Variants in ZFYVE28 observed in about 807,000 individuals in gnomAD.
The protein encoded by ZFYVE28 is lateral signaling target protein 2 homolog.
ZFYVE28 carries 40 observed loss-of-function variants against 82.1 expected under a neutral mutation model. That is an observed-to-expected ratio of 0.49 (90% CI 0.38 to 0.63). The LOEUF (loss-of-function observed/expected upper bound fraction) is 0.63. ZFYVE28 is among the 30% of genes least tolerant of loss of function. The pLI, the probability that ZFYVE28 is intolerant of heterozygous loss-of-function variation, is 0.00. For synonymous variants in ZFYVE28, 612 were observed against 546.1 expected, an observed-to-expected ratio of 1.12 and a Z score of -1.68; for missense variants, 1,321 against 1,242.1, an observed-to-expected ratio of 1.06 and a Z score of -0.96.
At chr4:2,346,267 G>A (rs58419422) in intron 2 of ZFYVE28, among the ~76,000 whole-genome samples, 4,780 of 151,012 alleles carry the variant, frequency 0.032, 222 homozygotes, top group African/African-American at 0.098. Flanking sequence ...CTGTGAACCC[G>A]GGAGGCAGAG....
At chr4:2,360,390 C>CACACAG (rs1491424672) in intron 1 of ZFYVE28, among the ~76,000 whole-genome samples, 4 of 11,214 alleles carry the variant, frequency 3.6e-4, no homozygotes, top group African/African-American at 1.6e-3. Flanking sequence ...GAGCTGTAAT[C>CACACAG]ACACACACAC....
intron 8 of ZFYVE28, among the ~76,000 whole-genome samples, chr4:2,302,022 C>T (rs556041299): frequency 6.6e-5 from 10 of 152,322 alleles, no homozygotes; most frequent in South Asian, 2.1e-4. Flanking sequence ...GGCCCTGCCC[C>T]GCAGTGAAGG....
intron 1 of ZFYVE28, among the ~76,000 whole-genome samples, chr4:2,390,355 C>T (rs1056953354): frequency 1.3e-5 from 2 of 152,120 alleles, no homozygotes; most frequent in Non-Finnish European, 2.9e-5. Context: ...GTGGTCAAGC[C>T]GCTCTGTTTG....
At chr4:2,325,101 C>T (rs57702505) in intron 6 of ZFYVE28, 3,884 of 152,468 alleles carry the variant, frequency 0.025, 145 homozygotes, top group African/African-American at 0.087. Flanking sequence ...TATACTCTCA[C>T]GTTTCATGGT....
intron 8 of ZFYVE28, among the ~76,000 whole-genome samples, chr4:2,292,625 T>C (rs1018360831): frequency 2.0e-5 from 3 of 152,154 alleles, no homozygotes; most frequent in African/African-American, 7.2e-5. Flanking sequence ...AAGATGATAA[T>C]TCAACAGACA....
At chr4:2,343,921 C>A (rs1187713941) in intron 2 of ZFYVE28, among the ~76,000 whole-genome samples, 2 of 152,208 alleles carry the variant, frequency 1.3e-5, no homozygotes, top group Non-Finnish European at 2.9e-5. Flanking sequence ...ACACAGTATG[C>A]TGCAAGAAAC....
At chr4:2,314,208 T>C (rs567725362) in intron 7 of ZFYVE28, among the ~76,000 whole-genome samples, 3 of 152,234 alleles carry the variant, frequency 2.0e-5, no homozygotes, top group Non-Finnish European at 4.4e-5. Context: ...TTGATAAATA[T>C]AACTACAACA....
chr4:2,376,163 G>A (rs886266436), intron 1 of ZFYVE28, among the ~76,000 whole-genome samples: 13 of 150,784 alleles, frequency 8.6e-5, no homozygotes, highest in South Asian at 2.1e-4. Context: ...ATGAGCCACC[G>A]TGCCTGGCCC....
At chr4:2,325,122 C>T (rs946355976) in intron 6 of ZFYVE28, 1 of 152,180 alleles carries the variant, frequency 6.6e-6, no homozygotes, top group African/African-American at 2.4e-5. Flanking sequence ...TTCCTGGCAT[C>T]AGAAATCCCT....
intron 8 of ZFYVE28, among the ~76,000 whole-genome samples, chr4:2,293,157 G>T (rs4974647): frequency 0.61 from 92,207 of 151,486 alleles, 28,733 homozygotes; most frequent in African/African-American, 0.7. Flanking sequence ...TTTTTTATTT[G>T]AGAAGATGAA....
At chr4:2,334,179 G>A (rs1326891707) in intron 6 of ZFYVE28, among the ~76,000 whole-genome samples, 1 of 152,178 alleles carries the variant, frequency 6.6e-6, no homozygotes, top group Non-Finnish European at 1.5e-5. Context: ...ACACGGGAAG[G>A]ACGGCGCAGG....
chr4:2,363,545 A>C (rs116721276), intron 1 of ZFYVE28, among the ~76,000 whole-genome samples: 127 of 152,268 alleles, frequency 8.3e-4, no homozygotes, highest in African/African-American at 2.9e-3. Context: ...AAAGAGAAGC[A>C]TGTGCAGTCA....
intron 11 of ZFYVE28, 36 bp downstream of exon 11, chr4:2,271,639 C>T: frequency 6.3e-7 from 1 of 1,599,662 alleles, no homozygotes; most frequent in Non-Finnish European, 8.6e-7. Flanking sequence ...CCACTGGTGT[C>T]TAGTGCAGTG....
At chr4:2,375,189 A>G (rs1727990972) in intron 1 of ZFYVE28, among the ~76,000 whole-genome samples, 1 of 152,194 alleles carries the variant, frequency 6.6e-6, no homozygotes, top group Non-Finnish European at 1.5e-5. Context: ...GGCTTTTCCA[A>G]GAAAGCTTTT....
intron 8 of ZFYVE28, among the ~76,000 whole-genome samples, chr4:2,303,676 T>TC (rs1174760158): frequency 6.6e-6 from 1 of 151,288 alleles, no homozygotes; most frequent in Non-Finnish European, 1.5e-5. Context: ...CCTCCCCATC[T>TC]CCCCCCAGTG....
At chr4:2,299,868 G>C (rs544318174) in intron 8 of ZFYVE28, among the ~76,000 whole-genome samples, 9 of 151,856 alleles carry the variant, frequency 5.9e-5, no homozygotes, top group Non-Finnish European at 1.2e-4. Context: ...ACAGTCATAG[G>C]TCACTGCAGT....
At chr4:2,273,133 C>A in intron 10 of ZFYVE28, 40 bp downstream of exon 10, 1 of 1,517,004 alleles carries the variant, frequency 6.6e-7, no homozygotes, top group Non-Finnish European at 9.1e-7. Flanking sequence ...GACACGGCCA[C>A]CAGCGCAGGC....
In ZFYVE28 at chr4:2,339,048, A is replaced by G. The variant is rs1722324214; in HGVS notation, c.521+405T>C. Among the ~76,000 whole-genome samples, 1 of 152,078 alleles carries G rather than the reference A, an allele frequency of 6.6e-6. No individual in the cohort carries two copies. Among genetic ancestry groups the G allele is most frequent in the Non-Finnish European group, 1.5e-5 (1 of 68,002 alleles). ...AGGATGGTCTCGATCTTCTGACCTC[A>G]TGATCCGCCTGCCTCGGCCTCTCAA... On this transcript the variant is annotated intron_variant, in intron 4 of 12. Coordinates refer to ENST00000290974, the MANE Select transcript of ZFYVE28 (RefSeq NM_020972.3). This position sits in a 1 kb window ranked among gnomAD's most constrained non-coding sequence, Gnocchi z 5.0.
chr4:2,404,074 A>C (rs1731510926), intron 1 of ZFYVE28, among the ~76,000 whole-genome samples: 1 of 151,764 alleles, frequency 6.6e-6, no homozygotes, highest in African/African-American at 2.4e-5. Flanking sequence ...TAATCCCAGC[A>C]CATTGGGAGG....
Sources: allele counts gnomAD v4.1 joint callset (sites outside exome capture counted in the v4.1 genomes callset), GRCh38; gene constraint gnomAD v4.1.1; non-coding constraint Gnocchi (gnomAD v3.1); transcripts MANE v1.5; gene names NCBI Gene and HGNC (gene_info 2026-07-23, HGNC 2026-07-21).